GLIS3: variants seen among roughly 807,000 people sequenced by gnomAD.
GLIS3 encodes zinc finger protein GLIS3.
Under a neutral mutation model 78.6 loss-of-function variants are expected in GLIS3, and 53 were observed. That is an observed-to-expected ratio of 0.67 (90% CI 0.54 to 0.85). The LOEUF (loss-of-function observed/expected upper bound fraction) is 0.85. GLIS3 is among the 40% of genes least tolerant of loss of function. The probability of loss-of-function intolerance (pLI) is 0.00; values close to 1 mark genes in which losing one functional copy is unlikely to be tolerated. For missense variants in GLIS3, 1,703 were observed against 1,231.1 expected, an observed-to-expected ratio of 1.38 and a Z score of -5.74; for synonymous variants, 684 against 509.9, an observed-to-expected ratio of 1.34 and a Z score of -4.60.
intron 4 of GLIS3, among the ~76,000 whole-genome samples, chr9:4,054,692 T>C (rs2130504795): frequency 6.6e-6 from 1 of 152,280 alleles, no homozygotes; most frequent in East Asian, 1.9e-4. Flanking sequence ...AAAAAAGTAA[T>C]AGCACATTGC....
chr9:4,286,337 G>T lies in GLIS3; in HGVS notation c.89C>A (p.Ala30Asp), dbSNP rs114010705. 6.2e-7 allele frequency: 1 copy of T among 1,614,220 alleles called. No individual in the cohort carries two copies. Among genetic ancestry groups the T allele is most frequent in the African/African-American group, 1.3e-5 (1 of 75,066 alleles). The change falls in exon 2 of 11, where the codon GCC becomes GAC. Residue 30 changes from alanine (A) to aspartate (D), a missense_variant. Physicochemically the swap from Ala to Asp is moderately radical, Grantham distance 126. Transcript: ENST00000381971. Reference sequence around the variant, plus strand: ...AGGAGTCCCGGAGTGGGCTCGGATGGCAGGAATGTGATGACCACTGACCAT... The same window carrying T: ...AGGAGTCCCGGAGTGGGCTCGGATGTCAGGAATGTGATGACCACTGACCAT... ...PRMVSGHHIP[A>D]IRAHSGTPGP...
intron 6 of GLIS3, among the ~76,000 whole-genome samples, chr9:3,912,553 T>G (rs1824225633): frequency 1.3e-5 from 2 of 152,206 alleles, no homozygotes; most frequent in Non-Finnish European, 2.9e-5. Flanking sequence ...AAAAGGATGT[T>G]GAAATCAGAA....
intron 2 of GLIS3, among the ~76,000 whole-genome samples, chr9:4,336,977 T>C (rs1587392747): frequency 6.6e-6 from 1 of 152,184 alleles, no homozygotes; most frequent in African/African-American, 2.4e-5. Flanking sequence ...GGACAGAATA[T>C]AAATGACTAA....
chr9:3,891,131 T>C (rs1296119362), intron 7 of GLIS3, among the ~76,000 whole-genome samples: 1 of 150,160 alleles, frequency 6.7e-6, no homozygotes, highest in Non-Finnish European at 1.5e-5. Context: ...AGGTAGGTAA[T>C]TGGTAATCTG....
intron 2 of GLIS3, among the ~76,000 whole-genome samples, chr9:4,233,437 G>A (rs1041698307): frequency 2.0e-5 from 3 of 152,174 alleles, no homozygotes; most frequent in Non-Finnish European, 4.4e-5. Flanking sequence ...ATCTCCATCA[G>A]AGCTCTTCAG....
intron 2 of GLIS3, among the ~76,000 whole-genome samples, chr9:4,248,129 T>G (rs1183201118): frequency 6.6e-6 from 1 of 152,208 alleles, no homozygotes; most frequent in Non-Finnish European, 1.5e-5. Context: ...GGGATGCATG[T>G]GCAGAACGTC....
chr9:4,319,199 G>A (rs1007132101), intron 2 of GLIS3, among the ~76,000 whole-genome samples: 11 of 152,176 alleles, frequency 7.2e-5, no homozygotes, highest in African/African-American at 2.7e-4. Context: ...TTGTATATTA[G>A]GTAATGGTAT....
intron 4 of GLIS3, among the ~76,000 whole-genome samples, chr9:4,045,755 G>T (rs533419965): frequency 6.6e-6 from 1 of 152,086 alleles, no homozygotes; most frequent in South Asian, 2.1e-4. Flanking sequence ...ACACAGTCTC[G>T]CAATCACAGC....
intron 2 of GLIS3, among the ~76,000 whole-genome samples, chr9:4,323,369 TAAG>T (rs1303580796): frequency 2.6e-5 from 4 of 152,300 alleles, no homozygotes; most frequent in Admixed American, 6.5e-5. Flanking sequence ...TTAAATTTCA[TAAG>T]AAGAGTGTTA....
At chr9:3,872,919 T>C (rs1199368708) in intron 8 of GLIS3, among the ~76,000 whole-genome samples, 3 of 151,676 alleles carry the variant, frequency 2.0e-5, no homozygotes, top group South Asian at 2.1e-4. Flanking sequence ...AAAATAAAGA[T>C]ATGAGCAGAA....
At chr9:4,041,959 T>G (rs1196751812) in intron 4 of GLIS3, among the ~76,000 whole-genome samples, 2 of 152,190 alleles carry the variant, frequency 1.3e-5, no homozygotes, top group Non-Finnish European at 2.9e-5. Flanking sequence ...ACAAGTTTGA[T>G]GTGATTTTGC....
In GLIS3 at chr9:3,829,130, A is replaced by G. The variant is rs7026170; in HGVS notation, c.2656+180T>C. On this transcript the variant is annotated intron_variant, in intron 10 of 10. Coordinates refer to ENST00000381971, the MANE Select transcript of GLIS3 (RefSeq NM_001042413.2). ...GGCTCCTGCACCAGGGTGGTGGAAG[A>G]AGAGGGGCTGAAGGAGGGCTGGAGG... Among the ~76,000 whole-genome samples, 17,900 of 151,910 alleles carry G rather than the reference A, an allele frequency of 0.12. 1,911 individuals are homozygous for G. Among genetic ancestry groups the G allele is most frequent in the African/African-American group, 0.28 (11,384 of 41,358 alleles).
chr9:4,185,359 G>A (rs530659369), intron 2 of GLIS3, among the ~76,000 whole-genome samples: 1 of 152,288 alleles, frequency 6.6e-6, no homozygotes, highest in South Asian at 2.1e-4. Context: ...TTCACCAGCT[G>A]ATGGACATTT....
intron 4 of GLIS3, chr9:4,054,501 C>A (rs2130502941): frequency 1.0e-6 from 1 of 985,372 alleles, no homozygotes; most frequent in Admixed American, 6.1e-5. Flanking sequence ...TCTGCAGGTA[C>A]AGAAATGGCA....
intron 6 of GLIS3, among the ~76,000 whole-genome samples, 164 bp downstream of exon 6, chr9:3,932,196 A>G (rs977531635): frequency 1.3e-5 from 2 of 152,122 alleles, no homozygotes; most frequent in African/African-American, 2.4e-5. Flanking sequence ...TATGCAAACC[A>G]TAGCCTTGCT....
At position 4,122,866 on chromosome 9, in the gene GLIS3, T is replaced by C. The variant is rs1004253166; in HGVS notation, c.596+2868A>G. 9.7e-4 allele frequency among the ~76,000 whole-genome samples: 147 copies of C among 152,232 alleles called. 1 individual carries two copies. The highest frequency in any genetic ancestry group is 5.9e-5 in the Non-Finnish European group (4 of 68,048). Reference sequence around the variant, plus strand: ...GGGGAAATATATACAATGGCCTCTGTATTCGAGTTTTGGCAAGGCCTAAAT... The same window carrying C: ...GGGGAAATATATACAATGGCCTCTGCATTCGAGTTTTGGCAAGGCCTAAAT... On this transcript the variant is annotated intron_variant, in intron 3 of 10. Transcript: ENST00000381971.
intron 4 of GLIS3, among the ~76,000 whole-genome samples, chr9:4,012,491 A>G (rs1822098547): frequency 6.6e-6 from 1 of 152,194 alleles, no homozygotes; most frequent in Admixed American, 6.5e-5. Flanking sequence ...CTTCCTTCCA[A>G]TAATTTTGTA....
chr9:3,847,274 G>A (rs1214280761), intron 9 of GLIS3, among the ~76,000 whole-genome samples: 6 of 152,190 alleles, frequency 3.9e-5, no homozygotes, highest in African/African-American at 1.4e-4. Context: ...AGAGAAAAGA[G>A]GGGCCCAGAT....
chr9:4,201,876 C>A (rs1207229003), intron 2 of GLIS3, among the ~76,000 whole-genome samples: 3 of 152,154 alleles, frequency 2.0e-5, no homozygotes, highest in Non-Finnish European at 4.4e-5. Context: ...TAGCTCATGC[C>A]TGTAATTCCA....
Sources: allele counts gnomAD v4.1 joint callset (sites outside exome capture counted in the v4.1 genomes callset), GRCh38; gene constraint gnomAD v4.1.1; transcripts MANE v1.5; gene names NCBI Gene and HGNC (gene_info 2026-07-23, HGNC 2026-07-21).